The following CHST9 variants were observed in gnomAD, a reference collection of about 807,000 sequenced individuals.
The protein encoded by CHST9 is carbohydrate sulfotransferase 9, also known as GalNAc-4-sulfotransferase 2.
CHST9 carries 41 observed loss-of-function variants against 44.4 expected under a neutral mutation model. That is an observed-to-expected ratio of 0.92 (90% confidence interval 0.72 to 1.20). The LOEUF (loss-of-function observed/expected upper bound fraction) is 1.20. CHST9 is among the 50% of genes most tolerant of loss of function. The probability of loss-of-function intolerance (pLI) is 0.00; values close to 1 mark genes in which losing one functional copy is unlikely to be tolerated. For missense variants in CHST9, 504 were observed against 516.5 expected, an observed-to-expected ratio of 0.98 and a Z score of 0.23; for synonymous variants, 171 against 178.4, an observed-to-expected ratio of 0.96 and a Z score of 0.33.
chr18:27,080,989 T>C (rs901948926), intron 2 of CHST9, among the ~76,000 whole-genome samples: 1 of 152,058 alleles, frequency 6.6e-6, no homozygotes, highest in East Asian at 1.9e-4. Flanking sequence ...CTAGTTTCCC[T>C]AGGAGTGATA....
chr18:26,999,833 T>C (rs1413855840), intron 4 of CHST9, among the ~76,000 whole-genome samples: 1 of 152,148 alleles, frequency 6.6e-6, no homozygotes, highest in Non-Finnish European at 1.5e-5. Flanking sequence ...GGGAAGTCTA[T>C]GGATAAAATA....
At chr18:27,148,389 T>C (rs2058631862) in intron 1 of CHST9, among the ~76,000 whole-genome samples, 1 of 150,262 alleles carries the variant, frequency 6.7e-6, no homozygotes, top group African/African-American at 2.5e-5. Context: ...GTGTATCTCC[T>C]AAAGCTATCC....
intron 2 of CHST9, among the ~76,000 whole-genome samples, chr18:27,076,858 C>T (rs2057909879): frequency 6.6e-6 from 1 of 152,084 alleles, no homozygotes; most frequent in South Asian, 2.1e-4. Context: ...GGCTACATGT[C>T]CAATGAGGGG....
chr18:26,956,415 A>T (rs2056326031), intron 4 of CHST9, among the ~76,000 whole-genome samples: 1 of 147,442 alleles, frequency 6.8e-6, no homozygotes, highest in Non-Finnish European at 1.5e-5. Flanking sequence ...ATATATACAC[A>T]ATTATATAAT....
At chr18:27,018,273 C>T (rs1481843368) in intron 4 of CHST9, among the ~76,000 whole-genome samples, 1 of 152,156 alleles carries the variant, frequency 6.6e-6, no homozygotes, top group Non-Finnish European at 1.5e-5. Flanking sequence ...TTACTCCGAA[C>T]CTCAATGAGA....
chr18:26,917,123 G>A lies in CHST9; in HGVS notation c.468C>T (p.His156=). The A allele has an allele frequency of 6.2e-7, 1 of 1,613,836 alleles. No individual in the cohort carries two copies. Among genetic ancestry groups the A allele is most frequent in the Non-Finnish European group, 8.5e-7 (1 of 1,179,836 alleles). Reference sequence around the variant, plus strand: ...CTTTGACTAAACTTTTGTTTAAAGGGTGAATGTCCACTGGCCAATTCATGT... The same window carrying A: ...CTTTGACTAAACTTTTGTTTAAAGGATGAATGTCCACTGGCCAATTCATGT... The part of the protein sequence containing the change: ...FSNMNWPVDI[H]PLNKSLVKDN... Residue 156 remains histidine (H), a synonymous_variant, in exon 6 of 6, where the codon CAC becomes CAT. Coordinates refer to ENST00000618847, the MANE Select transcript of CHST9 (RefSeq NM_031422.6).
intron 2 of CHST9, among the ~76,000 whole-genome samples, chr18:27,125,862 G>A (rs1482132286): frequency 6.6e-6 from 1 of 152,110 alleles, no homozygotes; most frequent in East Asian, 1.9e-4. Context: ...CACATAGACA[G>A]GCTACCCAAG....
intron 1 of CHST9, among the ~76,000 whole-genome samples, chr18:27,162,485 G>A (rs915857691): frequency 6.6e-6 from 1 of 152,170 alleles, no homozygotes; most frequent in Non-Finnish European, 1.5e-5. Flanking sequence ...TCCGCTGTTA[G>A]TCTGATGGGC....
chr18:26,973,905 T>C (rs571691583), intron 4 of CHST9, among the ~76,000 whole-genome samples: 2 of 152,362 alleles, frequency 1.3e-5, no homozygotes, highest in Non-Finnish European at 2.9e-5. Context: ...CAGACTCTCA[T>C]GCTGAGCTCT....
At chr18:27,168,317 G>T (rs1045457326) in intron 1 of CHST9, among the ~76,000 whole-genome samples, 1 of 151,892 alleles carries the variant, frequency 6.6e-6, no homozygotes, top group East Asian at 1.9e-4. Context: ...CTCGTGATCC[G>T]CCCGCCTCAG....
At position 27,015,323 on chromosome 18, in the gene CHST9, TTGTG is replaced by T. The variant is rs10690815; in HGVS notation, c.202+8789_202+8792del. Among the ~76,000 whole-genome samples, 886 of 146,444 alleles carry T rather than the reference TTGTG, an allele frequency of 6.1e-3. 3 individuals carry two copies. The highest frequency in any genetic ancestry group is 0.017 in the East Asian group (82 of 4,958). ...GTTTAAATGATCACCAGAGAGGCAGTTGTGTGTGTGTGTGTGTGTGTGTGTGTGT... is the reference window on the plus strand; with the variant it reads ...GTTTAAATGATCACCAGAGAGGCAGTTGTGTGTGTGTGTGTGTGTGTGTGT... On this transcript the variant is annotated intron_variant, in intron 4 of 5. Transcript: ENST00000618847.
intron 2 of CHST9, among the ~76,000 whole-genome samples, chr18:27,117,118 AAAT>A (rs61396547): frequency 0.33 from 49,527 of 151,796 alleles, 8,381 homozygotes; most frequent in East Asian, 0.49. Context: ...TGAAAAATAG[AAAT>A]AATAATGAAG....
intron 2 of CHST9, among the ~76,000 whole-genome samples, chr18:27,110,755 C>T (rs2058264227): frequency 6.6e-6 from 1 of 152,214 alleles, no homozygotes; most frequent in Admixed American, 6.5e-5. Flanking sequence ...CATCTGTGGA[C>T]AGCTAGAGCA....
In CHST9 at chr18:26,917,164, A is replaced by C; in HGVS notation, c.427T>G (p.Phe143Val). Residue 143 changes from phenylalanine to valine, a missense_variant, in exon 6 of 6, where the codon TTT becomes GTT. Transcript: ENST00000618847. Reference sequence around the variant, plus strand: ...CAATTCATGTTGCTGAACTTGTTAAAAACAGTCTTAGCTCCTTGACGTTTT... The same window carrying C: ...CAATTCATGTTGCTGAACTTGTTAACAACAGTCTTAGCTCCTTGACGTTTT... ...IEKRQGAKTV[F>V]NKFSNMNWPV... 2 of 1,613,962 alleles carry C rather than the reference A, an allele frequency of 1.2e-6. No individual in the cohort carries two copies. Among genetic ancestry groups the C allele is most frequent in the Non-Finnish European group, 1.7e-6 (2 of 1,179,872 alleles).
At position 26,984,739 on chromosome 18, in the gene CHST9, A is replaced by T. The variant is rs963298159; in HGVS notation, c.202+39377T>A. On this transcript the variant is annotated intron_variant, in intron 4 of 5. Coordinates refer to ENST00000618847, the MANE Select transcript of CHST9 (RefSeq NM_031422.6). The stretch of plus-strand genomic sequence containing the variant: ...AGGATTACCAAAAGACAAAAAAAAA[A>T]AAAAAAGAAATTGAAAAGCTACTCA... Among the ~76,000 whole-genome samples, 69 of 151,874 alleles carry T rather than the reference A, an allele frequency of 4.5e-4. 1 individual carries two copies. The highest frequency in any genetic ancestry group is 1.6e-3 in the African/African-American group (67 of 41,508).
chr18:27,026,139 T>C (rs977283653), intron 3 of CHST9, among the ~76,000 whole-genome samples: 27 of 152,148 alleles, frequency 1.8e-4, no homozygotes, highest in Admixed American at 1.5e-3. Context: ...GGCTCAAATA[T>C]GAAGGTTGTG....
rs1292796055 is a variant in CHST9, at chr18:27,131,502, G to T, written c.121+11187C>A. ...GGAGGCAGAGATTGCAGTGAGCCAA[G>T]ATCGCACTATTGCACTCCAGCCTGG... On this transcript the variant is annotated intron_variant, in intron 2 of 5. Coordinates refer to ENST00000618847, the MANE Select transcript of CHST9 (RefSeq NM_031422.6). Among the ~76,000 whole-genome samples, 3 of 152,250 alleles carry T rather than the reference G, an allele frequency of 2.0e-5. No individual in the cohort carries two copies. In the South Asian group the frequency reaches 6.2e-4, roughly 32 times the overall value.
intron 2 of CHST9, among the ~76,000 whole-genome samples, chr18:27,127,205 C>T (rs1160018799): frequency 1.3e-5 from 2 of 151,912 alleles, no homozygotes; most frequent in Non-Finnish European, 2.9e-5. Flanking sequence ...ACAGGGAATC[C>T]AAGTAGAGTG....
At chr18:26,955,277 G>A (rs978105999) in intron 4 of CHST9, among the ~76,000 whole-genome samples, 1 of 148,356 alleles carries the variant, frequency 6.7e-6, no homozygotes, top group African/African-American at 2.5e-5. Flanking sequence ...TTCTGTATTA[G>A]GAATACAGTG....
Sources: allele counts gnomAD v4.1 joint callset (sites outside exome capture counted in the v4.1 genomes callset), GRCh38; gene constraint gnomAD v4.1.1; transcripts MANE v1.5; gene names NCBI Gene and HGNC (gene_info 2026-07-23, HGNC 2026-07-21).